The following FANCA variants were observed in gnomAD, a reference collection of about 807,000 sequenced individuals.
The protein encoded by FANCA is FA complementation group A, also known as Fanconi anemia group A protein.
FANCA carries 236 observed loss-of-function variants against 194.3 expected under a neutral mutation model. The observed-to-expected ratio is 1.21, with a 90% CI of 1.09 to 1.35. FANCA has a LOEUF of 1.35. FANCA is among the 40% of genes most tolerant of loss of function. The probability of loss-of-function intolerance (pLI) is 0.00; values close to 1 mark genes in which losing one functional copy is unlikely to be tolerated. For synonymous variants in FANCA, 1,014 were observed against 715.8 expected (o/e 1.42, Z -6.65); for missense variants, 2,628 against 1,813.9 (o/e 1.45, Z -8.15).
At position 89,737,735 on chromosome 16, in the gene FANCA, C is replaced by T; in HGVS notation, c.*866G>A. 6.2e-7 allele frequency: 1 copy of T among 1,604,176 alleles called. No homozygotes were observed. Among genetic ancestry groups the T allele is most frequent in the African/African-American group, 1.3e-5 (1 of 74,868 alleles). On this transcript the variant is annotated 3_prime_UTR_variant, in exon 43 of 43. Coordinates refer to ENST00000389301, the MANE Select transcript of FANCA (RefSeq NM_000135.4). ...TGTCTTCCCAGCTGTGATGGTTTCA[C>T]ATTGTCATCGTCGTCCCCCCGGGAG...
chr16:89,759,870 C>G (rs1021783575), intron 29 of FANCA, among the ~76,000 whole-genome samples: 3 of 152,204 alleles, frequency 2.0e-5, no homozygotes, highest in Non-Finnish European at 4.4e-5. Flanking sequence ...AATGTGAGTG[C>G]TAGGGAGTGT....
In FANCA at chr16:89,770,178, C is replaced by T. The variant is rs1567618453; in HGVS notation, c.2304G>A (p.Leu768=). ...LPAVLTRLCQ[L]LRHQGPSLSA... ...AGGAGAGCCTCACCTGGTGACGGAGCAGCTGGCAGAGCCGGGTGAGCACTG... is the reference window on the plus strand; with the variant it reads ...AGGAGAGCCTCACCTGGTGACGGAGTAGCTGGCAGAGCCGGGTGAGCACTG... The change falls in exon 25 of 43, where the codon CTG becomes CTA. Residue 768 remains leucine (L), a synonymous_variant. Transcript: ENST00000389301. The T allele has an allele frequency of 3.8e-6, 6 of 1,591,250 alleles. No homozygotes were observed. Among genetic ancestry groups the T allele is most frequent in the Non-Finnish European group, 5.1e-6 (6 of 1,169,416 alleles).
At chr16:89,744,602 C>T (rs1184445201) in intron 36 of FANCA, 2 of 360,928 alleles carry the variant, frequency 5.5e-6, no homozygotes, top group African/African-American at 4.2e-5. Context: ...CACTCGAGCT[C>T]CTCACTCAGA....
chr16:89,753,020 G>A (rs1016285324), intron 30 of FANCA, among the ~76,000 whole-genome samples: 1 of 152,210 alleles, frequency 6.6e-6, no homozygotes, highest in Non-Finnish European at 1.5e-5. Context: ...CAGTGGTCAT[G>A]CTCCTAGTCC....
At chr16:89,767,357 T>A in intron 26 of FANCA, 120 bp from the exon 27 acceptor site, 1 of 764,490 alleles carries the variant, frequency 1.3e-6, no homozygotes, top group East Asian at 2.7e-5. Context: ...GGCCTGAGCA[T>A]TGGTCCTTCG....
chr16:89,775,431 C>T (rs908147989), intron 21 of FANCA, among the ~76,000 whole-genome samples: 1 of 152,236 alleles, frequency 6.6e-6, no homozygotes, highest in African/African-American at 2.4e-5. Context: ...GAGAGAGCAC[C>T]CGAGTCTGAA....
intron 5 of FANCA, chr16:89,810,454 C>T (rs1035945525): frequency 4.2e-6 from 2 of 472,450 alleles, no homozygotes; most frequent in African/African-American, 3.9e-5. Flanking sequence ...ATACCCAAGG[C>T]TAAACGTGTT....
intron 14 of FANCA, among the ~76,000 whole-genome samples, chr16:89,788,990 C>A (rs973789683): frequency 6.6e-6 from 1 of 151,896 alleles, no homozygotes; most frequent in African/African-American, 2.4e-5. Flanking sequence ...CCTCTGGAAC[C>A]GAAGAAAAAG....
chr16:89,782,019 G>C (rs953016055), intron 17 of FANCA, among the ~76,000 whole-genome samples: 2 of 150,610 alleles, frequency 1.3e-5, no homozygotes, highest in East Asian at 4.0e-4. Flanking sequence ...AAAAAAAAAA[G>C]AATGTTTTCA....
intron 35 of FANCA, among the ~76,000 whole-genome samples, chr16:89,746,317 G>A (rs1051919138): frequency 4.6e-5 from 7 of 152,200 alleles, no homozygotes; most frequent in South Asian, 4.1e-4. Context: ...GAAGGTGCCC[G>A]TGGGGTCTGA....
At chr16:89,798,962 A>T (rs1037803627) in intron 10 of FANCA, 1 of 1,612,692 alleles carries the variant, frequency 6.2e-7, no homozygotes, top group African/African-American at 1.3e-5. Context: ...TTCCGACCTC[A>T]TCCTCACAGG....
At chr16:89,764,860 CATG>C (rs1467592521) in intron 28 of FANCA, 27 bp downstream of exon 28, 1 of 1,610,408 alleles carries the variant, frequency 6.2e-7, no homozygotes. Flanking sequence ...CAGGACGTGG[CATG>C]ATGCAGGAGA....
intron 20 of FANCA, among the ~76,000 whole-genome samples, chr16:89,778,181 G>T (rs1259420633): frequency 1.1e-5 from 1 of 91,272 alleles, no homozygotes; most frequent in African/African-American, 4.4e-5. Flanking sequence ...AAAAAAAAAA[G>T]GCCAGGAGCG....
rs189659284 is a variant in FANCA at position 89,795,265 on chromosome 16, C to G, written c.1006+641G>C. Among the ~76,000 whole-genome samples the G allele has an allele frequency of 7.4e-5, 11 of 149,254 alleles. No homozygotes were observed. In the East Asian group the frequency reaches 1.2e-3, roughly 17 times the overall value. The stretch of plus-strand genomic sequence containing the variant: ...ACGCCACTGTACTCCAACCTGGCAA[C>G]AGAGCAAGACTCCATCTCCAATAAA... On this transcript the variant is annotated intron_variant, in intron 11 of 42. Coordinates refer to ENST00000389301, the MANE Select transcript of FANCA (RefSeq NM_000135.4).
chr16:89,782,197 A>G (rs1020727753), intron 17 of FANCA, among the ~76,000 whole-genome samples: 1 of 150,724 alleles, frequency 6.6e-6, no homozygotes, highest in Non-Finnish European at 1.5e-5. Context: ...AACACGGTGA[A>G]ACCTCGTCTC....
At chr16:89,773,792 G>C (rs1378838955) in intron 21 of FANCA, among the ~76,000 whole-genome samples, 2 of 85,820 alleles carry the variant, frequency 2.3e-5, no homozygotes, top group African/African-American at 9.6e-5. Context: ...TTTTTTTTTT[G>C]AGATGGACTC....
intron 3 of FANCA, among the ~76,000 whole-genome samples, chr16:89,814,173 G>A (rs1415985279): frequency 6.6e-6 from 1 of 152,174 alleles, no homozygotes; most frequent in Admixed American, 6.5e-5. Flanking sequence ...GAGGTACCTA[G>A]AAAATTGTTC....
chr16:89,756,502 G>C (rs1029637050), intron 30 of FANCA, among the ~76,000 whole-genome samples: 2 of 152,186 alleles, frequency 1.3e-5, no homozygotes, highest in Non-Finnish European at 2.9e-5. Context: ...GGTGGTGCCT[G>C]TGGTCCCAGC....
intron 40 of FANCA, 37 bp from the exon 41 acceptor site, chr16:89,739,326 T>G (rs756611935): frequency 6.2e-7 from 1 of 1,613,138 alleles, no homozygotes; most frequent in Non-Finnish European, 8.5e-7. Flanking sequence ...GGCTACAGAC[T>G]GCTGGAAAGG....
Sources: allele counts gnomAD v4.1 joint callset (sites outside exome capture counted in the v4.1 genomes callset), GRCh38; gene constraint gnomAD v4.1.1; transcripts MANE v1.5; gene names NCBI Gene and HGNC (gene_info 2026-07-23, HGNC 2026-07-21).